The following SDHAF4 variants were observed in gnomAD, a reference collection of about 807,000 sequenced individuals.
The protein encoded by SDHAF4 is succinate dehydrogenase complex assembly factor 4.
In SDHAF4, 14 loss-of-function variants were observed where a neutral mutation model predicts 14.3. The ratio of observed to expected loss-of-function variants is 0.98; its 90% CI spans 0.65 to 1.53. SDHAF4 has a LOEUF of 1.53. Among genes scored for constraint, SDHAF4 ranks in the 40% most tolerant of loss-of-function variants. The pLI is 0.00. For missense variants in SDHAF4, 141 were observed against 129.3 expected, an observed-to-expected ratio of 1.09 and a Z score of -0.44; for synonymous variants, 63 against 47.3, an observed-to-expected ratio of 1.33 and a Z score of -1.36.
At chr6:70,592,002 A>G (rs964887901), downstream of SDHAF4, among the ~76,000 whole-genome samples, 4 of 152,220 alleles carry the variant, frequency 2.6e-5, no homozygotes, top group African/African-American at 7.2e-5. Context: ...CTGGCATGTT[A>G]GCATCTGAGC....
At chr6:70,578,875 C>A (rs1428720456) in intron 1 of SDHAF4, among the ~76,000 whole-genome samples, 1 of 152,152 alleles carries the variant, frequency 6.6e-6, no homozygotes. Flanking sequence ...GAGACATGGT[C>A]TCACTATGTT....
chr6:70,583,041 A>G (rs895686776), intron 2 of SDHAF4, among the ~76,000 whole-genome samples: 1 of 152,250 alleles, frequency 6.6e-6, no homozygotes, highest in Non-Finnish European at 1.5e-5. Flanking sequence ...GGTAACTAGC[A>G]TGAGAGATAC....
chr6:70,588,474 C>A, intron 2 of SDHAF4, 141 bp from the exon 3 acceptor site: 1 of 404,858 alleles, frequency 2.5e-6, no homozygotes, highest in East Asian at 3.7e-5. Context: ...GAGCCCAGAT[C>A]ACGCCACTGC....
chr6:70,569,949 A>AT (rs905881446), intron 1 of SDHAF4, among the ~76,000 whole-genome samples: 4 of 151,748 alleles, frequency 2.6e-5, no homozygotes, highest in Non-Finnish European at 5.9e-5. Flanking sequence ...ACCAGTTTTC[A>AT]TTTTTTTTCA....
intron 1 of SDHAF4, among the ~76,000 whole-genome samples, chr6:70,570,280 G>A (rs1171392989): frequency 6.6e-6 from 1 of 152,128 alleles, no homozygotes; most frequent in Non-Finnish European, 1.5e-5. Context: ...TTGCTGCATA[G>A]CCATTCATAT....
At chr6:70,586,508 C>T (rs1005417850) in intron 2 of SDHAF4, among the ~76,000 whole-genome samples, 1 of 133,690 alleles carries the variant, frequency 7.5e-6, no homozygotes, top group Non-Finnish European at 1.5e-5. Context: ...ATTGCATGGT[C>T]ACTACTGTGT....
chr6:70,569,230 C>G (rs933567370), intron 1 of SDHAF4, among the ~76,000 whole-genome samples: 35 of 152,052 alleles, frequency 2.3e-4, no homozygotes, highest in Admixed American at 3.3e-4. Flanking sequence ...TCCCAAAGTG[C>G]TGGGATTACA....
At chr6:70,587,576 G>A (rs956764450) in intron 2 of SDHAF4, among the ~76,000 whole-genome samples, 8 of 152,198 alleles carry the variant, frequency 5.3e-5, no homozygotes, top group African/African-American at 1.4e-4. Context: ...GAGCAGTGCA[G>A]TGTATGGGCT....
At chr6:70,572,107 C>T (rs557396512) in intron 1 of SDHAF4, among the ~76,000 whole-genome samples, 103 of 119,498 alleles carry the variant, frequency 8.6e-4, no homozygotes, top group Middle Eastern at 0.015. Context: ...CTTGCTCTGT[C>T]GCCCAGGCTG....
At chr6:70,573,086 C>T (rs1305789171) in intron 1 of SDHAF4, among the ~76,000 whole-genome samples, 3 of 151,984 alleles carry the variant, frequency 2.0e-5, no homozygotes, top group African/African-American at 7.3e-5. Context: ...GCCATACTCC[C>T]GCCTCAGCCT....
At chr6:70,573,264 C>CTTTTATTTTT (rs1802207802) in intron 1 of SDHAF4, among the ~76,000 whole-genome samples, 1 of 110,456 alleles carries the variant, frequency 9.1e-6, no homozygotes. Flanking sequence ...GCTATTTGGC[C>CTTTTATTTTT]TTTTTTTTTT....
At chr6:70,591,454 C>A (rs971658535), downstream of SDHAF4, among the ~76,000 whole-genome samples, 3 of 150,684 alleles carry the variant, frequency 2.0e-5, no homozygotes, top group Non-Finnish European at 4.4e-5. Context: ...GCCTCACCCT[C>A]CCGAGTAGCT....
intron 1 of SDHAF4, among the ~76,000 whole-genome samples, chr6:70,568,490 T>G (rs1404931399): frequency 1.3e-5 from 2 of 152,256 alleles, no homozygotes; most frequent in African/African-American, 4.8e-5. Context: ...TTGTTGATTT[T>G]TTTTCAGATA....
intron 1 of SDHAF4, among the ~76,000 whole-genome samples, chr6:70,568,948 CCT>C (rs1214524343): frequency 1.4e-5 from 2 of 145,378 alleles, no homozygotes; most frequent in Non-Finnish European, 3.0e-5. Context: ...TTGTGAAATA[CCT>C]CTTTCTTTTT....
downstream of SDHAF4, among the ~76,000 whole-genome samples, chr6:70,591,329 G>A (rs1765255925): frequency 6.9e-6 from 1 of 143,932 alleles, no homozygotes; most frequent in South Asian, 2.3e-4. Flanking sequence ...GTTGTGAGAG[G>A]AAAGATTTTT....
the SDHAF4 span, among the ~76,000 whole-genome samples, chr6:70,595,750 C>T: frequency 1.7e-4 from 26 of 150,610 alleles, no homozygotes; most frequent in African/African-American, 5.6e-4. Context: ...GCAGGAGAAT[C>T]GCTTGAACCC....
chr6:70,585,674 A>T (rs1416717114), intron 2 of SDHAF4, among the ~76,000 whole-genome samples: 4 of 152,256 alleles, frequency 2.6e-5, no homozygotes, highest in Admixed American at 1.3e-4. Flanking sequence ...TTCGTGGAGT[A>T]GGAAAAAGCC....
At chr6:70,570,682 C>T (rs911798714) in intron 1 of SDHAF4, among the ~76,000 whole-genome samples, 1 of 150,944 alleles carries the variant, frequency 6.6e-6, no homozygotes, top group African/African-American at 2.5e-5. Context: ...GTGTTGACAG[C>T]AAGCATACTT....
rs113227748 is a variant in SDHAF4 at position 70,584,012 on chromosome 6, G to GGTT, written c.217+4474_217+4476dup. Among the ~76,000 whole-genome samples the GGTT allele has an allele frequency of 1.0e-3, 154 of 151,448 alleles. 1 individual carries two copies. The highest frequency in any genetic ancestry group is 4.5e-3 in the East Asian group (23 of 5,166). ...CCATGTTAAATATACAGTTGAGTGA[G>GGTT]GTTGTTGTTGTTGTTGTTGTTGTTG... On this transcript the variant is annotated intron_variant, in intron 2 of 2. Coordinates refer to ENST00000370474, the MANE Select transcript of SDHAF4 (RefSeq NM_145267.3).
Sources: allele counts gnomAD v4.1 joint callset (sites outside exome capture counted in the v4.1 genomes callset), GRCh38; gene constraint gnomAD v4.1.1; transcripts MANE v1.5; gene names NCBI Gene and HGNC (gene_info 2026-07-23, HGNC 2026-07-21).